Variants in MAML3 observed in about 807,000 individuals in gnomAD.
The protein encoded by MAML3 is mastermind-like protein 3.
In MAML3, 27 loss-of-function variants were observed where a neutral mutation model predicts 101.9. That is an observed-to-expected ratio of 0.27 (90% CI 0.20 to 0.37). MAML3 has a LOEUF of 0.37. MAML3 is among the 10% of genes least tolerant of loss of function. The probability of loss-of-function intolerance (pLI) is 1.00; values close to 1 mark genes in which losing one functional copy is unlikely to be tolerated. For synonymous variants in MAML3, 501 were observed against 555.9 expected (o/e 0.90, Z 1.39); for missense variants, 1,316 against 1,444.9 (o/e 0.91, Z 1.45).
At chr4:139,841,264 G>T (rs565513263) in intron 2 of MAML3, among the ~76,000 whole-genome samples, 191 of 152,224 alleles carry the variant, frequency 1.3e-3, no homozygotes, top group Non-Finnish European at 2.3e-3. Flanking sequence ...AGACCTTTTG[G>T]GCAACGAAGA....
intron 1 of MAML3, among the ~76,000 whole-genome samples, chr4:140,109,423 T>C (rs1728404419): frequency 6.6e-6 from 1 of 152,170 alleles, no homozygotes; most frequent in Non-Finnish European, 1.5e-5. Flanking sequence ...GCAGAACTAG[T>C]TCCCTAGCCC....
chr4:139,731,109 A>T (rs931885222), intron 2 of MAML3: 3 of 166,376 alleles, frequency 1.8e-5, no homozygotes, highest in African/African-American at 7.2e-5. Flanking sequence ...TGCAAGTAGG[A>T]GGGACATTTG....
intron 1 of MAML3, among the ~76,000 whole-genome samples, chr4:140,010,732 G>A (rs892547311): frequency 2.0e-5 from 3 of 152,038 alleles, no homozygotes; most frequent in Admixed American, 6.6e-5. Context: ...ATTTTGAAAC[G>A]GGGTGCATTT....
intron 1 of MAML3, among the ~76,000 whole-genome samples, chr4:140,126,917 A>G (rs1003820123): frequency 1.3e-5 from 2 of 152,104 alleles, no homozygotes; most frequent in African/African-American, 4.8e-5. Flanking sequence ...ATGGTCTCCT[A>G]TCTCCATCTC....
intron 1 of MAML3, among the ~76,000 whole-genome samples, chr4:139,919,415 T>A (rs1733083439): frequency 6.6e-6 from 1 of 152,250 alleles, no homozygotes; most frequent in Admixed American, 6.5e-5. Context: ...TTCTGCTGAA[T>A]CACTATCCTT....
chr4:139,890,992 T>C lies in MAML3; in HGVS notation c.469-25A>G, dbSNP rs775569372. ...GCTGGAAAAGAAACAGGAAAGAGGA[T>C]GACTAAACCTCCAAGTCATATTTTA... On this transcript the variant is annotated intron_variant, in intron 1 of 4. Coordinates refer to ENST00000509479, the MANE Select transcript of MAML3 (RefSeq NM_018717.5). The surrounding 1 kb of genome is among the most constrained non-coding windows in gnomAD (Gnocchi z 4.1). 78 of 1,596,824 alleles carry C rather than the reference T, an allele frequency of 4.9e-5. No homozygotes were observed. Among genetic ancestry groups the C allele is most frequent in the Non-Finnish European group, 6.3e-5 (74 of 1,170,386 alleles).
chr4:139,835,559 C>A (rs1313773556), intron 2 of MAML3, among the ~76,000 whole-genome samples: 2 of 152,166 alleles, frequency 1.3e-5, no homozygotes, highest in East Asian at 3.8e-4. Flanking sequence ...TAATACTATA[C>A]AGACTGGAAA....
intron 1 of MAML3, among the ~76,000 whole-genome samples, chr4:139,894,442 A>G (rs10023983): frequency 0.84 from 127,070 of 151,628 alleles, 54,309 homozygotes; most frequent in Non-Finnish European, 0.93. Context: ...CCTGGGAGGC[A>G]GGGGCTACAG....
intron 1 of MAML3, among the ~76,000 whole-genome samples, chr4:140,074,177 A>AAG (rs33972666): frequency 0.028 from 1,369 of 48,304 alleles, 53 homozygotes; most frequent in Middle Eastern, 0.066. Flanking sequence ...GAAAGAAAGA[A>AAG]AGAGAGAGAG....
intron 3 of MAML3, among the ~76,000 whole-genome samples, chr4:139,727,140 A>G (rs1235135825): frequency 6.6e-6 from 1 of 151,998 alleles, no homozygotes; most frequent in Non-Finnish European, 1.5e-5. Flanking sequence ...CTGCTCTATA[A>G]TTTTCTTTTC....
intron 2 of MAML3, among the ~76,000 whole-genome samples, chr4:139,732,287 G>A (rs117708789): frequency 6.6e-6 from 1 of 152,272 alleles, no homozygotes; most frequent in East Asian, 1.9e-4. Flanking sequence ...GACCGTCCTG[G>A]ATTTGATTCC....
Position 139,785,050 on chromosome 4 carries a change from G to C in MAML3, c.2080-54383C>G, listed in dbSNP as rs1007833843. On this transcript the variant is annotated intron_variant, in intron 2 of 4. Transcript: ENST00000509479. The surrounding 1 kb of genome is among the most constrained non-coding windows in gnomAD (Gnocchi z 4.3). ...CCAGATTTCATCATCACACAACATA[G>C]CTGTATAACAAAATTACACTTGTAC... Among the ~76,000 whole-genome samples the C allele has an allele frequency of 2.0e-5, 3 of 152,190 alleles. No individual in the cohort carries two copies. Among genetic ancestry groups the C allele is most frequent in the South Asian group, 2.1e-4 (1 of 4,834 alleles).
Position 140,050,132 on chromosome 4 carries a change from C to G in MAML3, c.468+102728G>C, listed in dbSNP as rs192297704. On this transcript the variant is annotated intron_variant, in intron 1 of 4. Transcript: ENST00000509479. The stretch of plus-strand genomic sequence containing the variant: ...TAACAGGGCTCATTGCCAATAACAA[C>G]AAGGAAATGTATTCTGCTATTCCAT... Among the ~76,000 whole-genome samples, 645 of 152,108 alleles carry G rather than the reference C, an allele frequency of 4.2e-3. 17 individuals carry two copies. The highest frequency in any genetic ancestry group is 0.038 in the Admixed American group (579 of 15,280).
chr4:139,744,675 G>A (rs1729266559), intron 2 of MAML3, among the ~76,000 whole-genome samples: 1 of 152,194 alleles, frequency 6.6e-6, no homozygotes, highest in Non-Finnish European at 1.5e-5. Context: ...GGGCTATGGT[G>A]GGACTCTCAG....
intron 2 of MAML3, among the ~76,000 whole-genome samples, chr4:139,733,037 G>A (rs972584454): frequency 6.6e-6 from 1 of 152,166 alleles, no homozygotes; most frequent in African/African-American, 2.4e-5. Context: ...ATATTTCAGG[G>A]TCTTCCCTTT....
intron 2 of MAML3, among the ~76,000 whole-genome samples, chr4:139,826,861 A>C (rs1289107701): frequency 6.6e-6 from 1 of 152,210 alleles, no homozygotes. Flanking sequence ...TTGGAAAAAG[A>C]ATGGAAAATA....
chr4:139,850,323 A>G (rs1731525889), intron 2 of MAML3, among the ~76,000 whole-genome samples: 1 of 152,196 alleles, frequency 6.6e-6, no homozygotes, highest in South Asian at 2.1e-4. Flanking sequence ...CTCACTCTGC[A>G]TGACTAAGGT....
At chr4:139,754,654 C>G (rs933150380) in intron 2 of MAML3, among the ~76,000 whole-genome samples, 1 of 152,068 alleles carries the variant, frequency 6.6e-6, no homozygotes, top group African/African-American at 2.4e-5. Flanking sequence ...GTTTAAGGCT[C>G]CTGTTTTGGT....
In MAML3 at chr4:139,890,463, T is replaced by G; in HGVS notation, c.973A>C (p.Ile325Leu). ...AAGTCTTCGTTGAACAGGTCCTGTA[T>G]GTCATCCTCAGGAACCGTGTTGGCC... ...ELANTVPEDD[I>L]QDLFNEDFEE... Residue 325 changes from isoleucine to leucine, a missense_variant, in exon 2 of 5, where the codon ATA becomes CTA. Physicochemically the swap from Ile to Leu is conservative, Grantham distance 5 (BLOSUM62 2). Coordinates refer to ENST00000509479, the MANE Select transcript of MAML3 (RefSeq NM_018717.5). The surrounding 1 kb of genome is among the most constrained non-coding windows in gnomAD (Gnocchi z 4.1). The G allele has an allele frequency of 6.2e-7, 1 of 1,613,834 alleles. No individual in the cohort carries two copies. The highest frequency in any genetic ancestry group is 8.5e-7 in the Non-Finnish European group (1 of 1,179,724).
Sources: gnomAD v4.1 joint callset for allele counts (sites outside exome capture counted in the v4.1 genomes callset) on GRCh38, gnomAD v4.1.1 for gene constraint, Gnocchi (gnomAD v3.1) non-coding constraint, MANE v1.5 for transcripts, NCBI Gene and HGNC (gene_info 2026-07-23, HGNC 2026-07-21) for gene names.